KALRN: variants seen among roughly 807,000 people sequenced by gnomAD.
The protein encoded by KALRN is kalirin.
Under a neutral mutation model 353.7 loss-of-function variants are expected in KALRN, and 70 were observed. The ratio of observed to expected loss-of-function variants is 0.20; its 90% CI spans 0.16 to 0.24. KALRN has a LOEUF of 0.24. Ranked by LOEUF, KALRN falls within the 10% of genes least tolerant of loss-of-function variation. The probability of loss-of-function intolerance (pLI) is 1.00; values close to 1 mark genes in which losing one functional copy is unlikely to be tolerated. For missense variants in KALRN, 2,791 were observed against 3,756.7 expected (o/e 0.74, Z 6.72); for synonymous variants, 1,391 against 1,434.8 (o/e 0.97, Z 0.69).
intron 1 of KALRN, among the ~76,000 whole-genome samples, chr3:124,168,654 C>T (rs535015047): frequency 6.6e-6 from 1 of 152,196 alleles, no homozygotes; most frequent in African/African-American, 2.4e-5. Flanking sequence ...CTCTGCTTAT[C>T]TCTTGGTCAA....
chr3:124,121,852 A>T (rs1054775851), intron 1 of KALRN, among the ~76,000 whole-genome samples: 3 of 152,196 alleles, frequency 2.0e-5, no homozygotes, highest in African/African-American at 7.2e-5. Context: ...TGCTCCTCCT[A>T]ATCACAGGCA....
At chr3:124,186,589 T>C (rs1475195284) in intron 1 of KALRN, among the ~76,000 whole-genome samples, 1 of 152,234 alleles carries the variant, frequency 6.6e-6, no homozygotes, top group African/African-American at 2.4e-5. Flanking sequence ...AACCAGAACC[T>C]GTCCTAAGCA....
chr3:124,157,969 A>G (rs2069264745), intron 1 of KALRN, among the ~76,000 whole-genome samples: 1 of 152,182 alleles, frequency 6.6e-6, no homozygotes, highest in African/African-American at 2.4e-5. Context: ...AGTACAGAGC[A>G]CTGTTAAGGA....
chr3:124,264,416 A>G, intron 3 of KALRN, 82 bp from the exon 4 acceptor site: 1 of 1,163,582 alleles, frequency 8.6e-7, no homozygotes, highest in Non-Finnish European at 1.2e-6. Flanking sequence ...AGGGGAGTGC[A>G]GGTTTCCGGG....
Position 124,563,309 on chromosome 3 carries a change from T to C in KALRN, c.5182+220T>C, listed in dbSNP as rs76552815. Among the ~76,000 whole-genome samples the C allele has an allele frequency of 4.3e-3, 661 of 152,350 alleles. 15 individuals are homozygous for C. Among genetic ancestry groups the C allele is most frequent in the African/African-American group, 0.015 (640 of 41,582 alleles). On this transcript the variant is annotated intron_variant, in intron 34 of 59. Transcript: ENST00000682506. ...CTTTGGGAAAGTCATTTAGCCTTCC[T>C]GAGTCAGTTTCATCTTGGAAATGAA...
intron 34 of KALRN, among the ~76,000 whole-genome samples, chr3:124,570,248 A>T (rs1451989051): frequency 6.6e-6 from 1 of 152,174 alleles, no homozygotes; most frequent in African/African-American, 2.4e-5. Context: ...TTCCCTAAAC[A>T]TTTCCTTTCA....
At chr3:124,658,380 C>T (rs765003041) in intron 41 of KALRN, 51 bp from the exon 42 acceptor site, 18 of 1,424,252 alleles carry the variant, frequency 1.3e-5, no homozygotes, top group Admixed American at 1.7e-5. Flanking sequence ...TGAGATTGAA[C>T]AAAAGACACA....
intron 1 of KALRN, among the ~76,000 whole-genome samples, chr3:124,047,964 C>T (rs2040665883): frequency 1.3e-5 from 2 of 152,092 alleles, no homozygotes; most frequent in Admixed American, 6.5e-5. Context: ...GTATTTCCTT[C>T]TCGTCCTTTT....
At chr3:124,426,854 C>A (rs1384609606) in intron 15 of KALRN, among the ~76,000 whole-genome samples, 2 of 152,194 alleles carry the variant, frequency 1.3e-5, no homozygotes, top group Admixed American at 6.5e-5. Context: ...AAAGACCTAC[C>A]TAATGAGCAT....
At chr3:124,712,877 A>G in intron 57 of KALRN, 58 bp from the exon 58 acceptor site, 1 of 1,279,422 alleles carries the variant, frequency 7.8e-7, no homozygotes, top group Non-Finnish European at 1.1e-6. Context: ...TTATCCATGA[A>G]TAAAATATAT....
chr3:124,625,608 A>G (rs942203513), intron 34 of KALRN, among the ~76,000 whole-genome samples: 3 of 152,178 alleles, frequency 2.0e-5, no homozygotes, highest in Admixed American at 6.5e-5. Flanking sequence ...GGAAACAAGT[A>G]AAACTGATTC....
At chr3:124,401,188 G>A (rs962042128) in intron 13 of KALRN, among the ~76,000 whole-genome samples, 2 of 152,194 alleles carry the variant, frequency 1.3e-5, no homozygotes, top group Non-Finnish European at 2.9e-5. Context: ...CTGGCTTAAA[G>A]GTTACGAGAG....
At chr3:124,698,705 T>C (rs1001649990) in intron 55 of KALRN, among the ~76,000 whole-genome samples, 2 of 152,188 alleles carry the variant, frequency 1.3e-5, no homozygotes, top group African/African-American at 2.4e-5. Flanking sequence ...AAATAACTAG[T>C]GTAGTACGGG....
At chr3:124,373,871 C>T (rs1394141137) in intron 10 of KALRN, among the ~76,000 whole-genome samples, 3 of 152,148 alleles carry the variant, frequency 2.0e-5, no homozygotes, top group Non-Finnish European at 4.4e-5. Context: ...GGACAGAATT[C>T]AACCCACAAG....
chr3:124,726,009 G>T lies in KALRN; in HGVS notation c.*6539G>T, dbSNP rs1222018927. ...TGATAAATAGCTCTATATTTTCAAG[G>T]TGCAGAAGAATTCCACAGCCTTAAT... is the stretch of plus-strand genomic sequence containing the variant. On this transcript the variant is annotated 3_prime_UTR_variant, in exon 60 of 60. Transcript: ENST00000682506. 6.6e-6 allele frequency: 1 copy of T among 152,160 alleles called. No individual in the cohort carries two copies. Among genetic ancestry groups the T allele is most frequent in the Non-Finnish European group, 1.5e-5 (1 of 68,042 alleles). The allele number at this position is 152,160 out of a possible 1,614,324, so 9.4% of individuals were successfully genotyped here. A position where few individuals can be genotyped will look rare whatever the true frequency, so the allele number is the denominator to read the frequency against.
At chr3:124,258,722 T>C (rs2072412357) in intron 3 of KALRN, among the ~76,000 whole-genome samples, 1 of 152,224 alleles carries the variant, frequency 6.6e-6, no homozygotes, top group Non-Finnish European at 1.5e-5. Context: ...CAGATTTCTC[T>C]TTTAACTTCC....
rs376053533 is a variant in KALRN, at chr3:124,676,468, T to C, written c.7194-1722T>C. Among the ~76,000 whole-genome samples, 26 of 152,276 alleles carry C rather than the reference T, an allele frequency of 1.7e-4. No homozygotes were observed. The East Asian group carries it at 2.5e-3, about 15-fold the overall frequency. The stretch of plus-strand genomic sequence containing the variant: ...CTGTGTCCACATCAGTCCCTGGGCT[T>C]GCAACCAAGAGATGGAAGCTCCCCA... On this transcript the variant is annotated intron_variant, in intron 49 of 59. Coordinates refer to ENST00000682506, the MANE Select transcript of KALRN (RefSeq NM_001388419.1).
chr3:124,715,062 C>T (rs1274251808), intron 58 of KALRN, among the ~76,000 whole-genome samples: 1 of 150,804 alleles, frequency 6.6e-6, no homozygotes, highest in Non-Finnish European at 1.5e-5. Flanking sequence ...TTTTTGCCCT[C>T]GAGGAGTTAC....
intron 1 of KALRN, among the ~76,000 whole-genome samples, chr3:124,093,619 A>T (rs1048903566): frequency 2.0e-5 from 3 of 152,216 alleles, no homozygotes; most frequent in Non-Finnish European, 4.4e-5. Flanking sequence ...ATAACATTGT[A>T]TCAGGGACTC....
Sources: gnomAD v4.1 joint callset for allele counts (sites outside exome capture counted in the v4.1 genomes callset) on GRCh38, gnomAD v4.1.1 for gene constraint, MANE v1.5 for transcripts, NCBI Gene and HGNC (gene_info 2026-07-23, HGNC 2026-07-21) for gene names.